NOTCH1: variants seen among roughly 807,000 people sequenced by gnomAD.
The protein encoded by NOTCH1 is notch receptor 1, also known as neurogenic locus notch homolog protein 1.
In NOTCH1, 37 loss-of-function variants were observed where a neutral mutation model predicts 254.8. The observed-to-expected ratio is 0.15, with a 90% CI of 0.11 to 0.19. The LOEUF is 0.19. NOTCH1 is among the 10% of genes least tolerant of loss of function. The pLI is 1.00. For missense variants in NOTCH1, 2,972 were observed against 3,708.6 expected, an observed-to-expected ratio of 0.80 and a Z score of 5.16; for synonymous variants, 1,731 against 1,618.1, an observed-to-expected ratio of 1.07 and a Z score of -1.68.
chr9:136,517,134 G>A (rs1276784430), intron 9 of NOTCH1, 138 bp downstream of exon 9: 1 of 594,370 alleles, frequency 1.7e-6, no homozygotes, highest in Non-Finnish European at 2.9e-6. Flanking sequence ...CCGAGGGCAG[G>A]GGGTGGGGGC....
At chr9:136,527,648 G>A (rs903562191) in intron 2 of NOTCH1, among the ~76,000 whole-genome samples, 5 of 152,164 alleles carry the variant, frequency 3.3e-5, no homozygotes, top group Non-Finnish European at 5.9e-5. Flanking sequence ...CCCAGCTCTC[G>A]GGCTCCCACG....
Position 136,507,431 on chromosome 9 carries a change from C to A in NOTCH1, c.3517G>T (p.Ala1173Ser), listed in dbSNP as rs753060918. Residue 1173 changes from alanine to serine, a missense_variant, in exon 22 of 34, where the codon GCC (alanine) becomes TCC (serine). By Grantham distance (99) the Ala-to-Ser change is moderately conservative (BLOSUM62 1). This residue lies in a region of NOTCH1 where 1,343 missense variants were observed against 1,557.0 expected (regional missense o/e 0.86). Transcript: ENST00000651671. The part of the protein sequence containing the change: ...YLGGYSCKCV[A>S]GYHGVNCSEE... ...GAGCAGTTCACCCCGTGGTAGCCGG[C>A]CACGCACTGTGCAGGCGACAGAACG... The A allele has an allele frequency of 3.1e-6, 5 of 1,605,954 alleles. No individual in the cohort carries two copies. Among genetic ancestry groups the A allele is most frequent in the Non-Finnish European group, 3.4e-6 (4 of 1,177,172 alleles).
At chr9:136,523,241 G>A (rs979027890) in intron 3 of NOTCH1, 53 bp from the exon 4 acceptor site, 75 of 1,524,384 alleles carry the variant, frequency 4.9e-5, no homozygotes, top group Non-Finnish European at 5.8e-5. Flanking sequence ...CCCCGAGGCC[G>A]GGCCTTCCCT....
At chr9:136,539,111 T>C (rs1843696010) in intron 2 of NOTCH1, among the ~76,000 whole-genome samples, 1 of 152,228 alleles carries the variant, frequency 6.6e-6, no homozygotes, top group South Asian at 2.1e-4. Flanking sequence ...AGCTCTGCCC[T>C]GTGGAAGCAC....
At chr9:136,541,671 T>C (rs546098850) in intron 2 of NOTCH1, among the ~76,000 whole-genome samples, 6 of 152,172 alleles carry the variant, frequency 3.9e-5, no homozygotes, top group East Asian at 3.9e-4. Flanking sequence ...GGGGTGTATG[T>C]TGGGTGGGGC....
chr9:136,509,332 G>A (rs1023351604), intron 18 of NOTCH1, among the ~76,000 whole-genome samples: 12 of 152,218 alleles, frequency 7.9e-5, no homozygotes, highest in African/African-American at 2.9e-4. Context: ...GCATAGGGTG[G>A]TTAAAGTAAA....
At chr9:136,509,444 G>A (rs537015635) in intron 18 of NOTCH1, among the ~76,000 whole-genome samples, 13 of 152,304 alleles carry the variant, frequency 8.5e-5, no homozygotes, top group African/African-American at 3.1e-4. Flanking sequence ...GGCAAACACG[G>A]CAAAAAGGAA....
chr9:136,498,881 T>A lies in NOTCH1; in HGVS notation c.6180+18A>T, dbSNP rs780165981. 6.2e-7 allele frequency: 1 copy of A among 1,613,036 alleles called. No homozygotes were observed. Among genetic ancestry groups the A allele is most frequent in the East Asian group, 2.2e-5 (1 of 44,884 alleles). On this transcript the variant is annotated intron_variant, in intron 33 of 33. Transcript: ENST00000651671. ...TTCAGCCCTCACGTCTCCCCTGGCA[T>A]CCCAGCCTCGCGCTCACCCTGTTGT...
intron 31 of NOTCH1, among the ~76,000 whole-genome samples, chr9:136,499,769 T>C (rs1482717295): frequency 6.6e-6 from 1 of 152,202 alleles, no homozygotes; most frequent in African/African-American, 2.4e-5. Context: ...CAACTTGGCC[T>C]GATTCCTGCA....
chr9:136,529,847 G>T (rs187319761), intron 2 of NOTCH1, among the ~76,000 whole-genome samples: 247 of 152,356 alleles, frequency 1.6e-3, no homozygotes, highest in African/African-American at 5.6e-3. Context: ...GCACCACCAG[G>T]CCTGTTCACC....
In NOTCH1 at chr9:136,497,364, G is replaced by A. The variant is rs369009290; in HGVS notation, c.6375C>T (p.His2125=). 1.5e-4 allele frequency: 237 copies of A among 1,607,066 alleles called. No homozygotes were observed. The South Asian group carries it at 1.6e-3, about 11-fold the overall frequency. ...EYNLVRSPQL[H]GAPLGGTPTL... ...TGGGCGTGCCCCCCAGCGGGGCTCC[G>A]TGCAGCTGCGGGCTGCGCACCAGGT... is the stretch of plus-strand genomic sequence containing the variant. The change falls in exon 34 of 34, where the codon CAC becomes CAT. Residue 2125 remains histidine (H), a synonymous_variant. Transcript: ENST00000651671.
chr9:136,525,590 C>T (rs1024152918), intron 2 of NOTCH1, among the ~76,000 whole-genome samples: 6 of 152,316 alleles, frequency 3.9e-5, no homozygotes, highest in African/African-American at 1.2e-4. Flanking sequence ...CACCTGGGTG[C>T]GGGGCTGCGG....
At chr9:136,541,627 G>C (rs1313973584) in intron 2 of NOTCH1, among the ~76,000 whole-genome samples, 1 of 152,218 alleles carries the variant, frequency 6.6e-6, no homozygotes, top group Non-Finnish European at 1.5e-5. Flanking sequence ...CTTCTGAGAA[G>C]GATGGGCAGG....
At chr9:136,511,695 G>A (rs1843184245) in intron 15 of NOTCH1, among the ~76,000 whole-genome samples, 1 of 152,216 alleles carries the variant, frequency 6.6e-6, no homozygotes, top group Non-Finnish European at 1.5e-5. Context: ...CCTGGCCTGA[G>A]ACCGAGGCCT....
chr9:136,514,400 C>T lies in NOTCH1; in HGVS notation c.2207+110G>A, dbSNP rs1843229261. The T allele has an allele frequency of 3.2e-5, 40 of 1,251,870 alleles. No homozygotes were observed. The South Asian group carries it at 3.5e-4, about 11-fold the overall frequency. The allele number at this position is 1,251,870 out of a possible 1,614,324, so 77.5% of individuals were successfully genotyped here. A position where few individuals can be genotyped will look rare whatever the true frequency, so the allele number is the denominator to read the frequency against. On this transcript the variant is annotated intron_variant, in intron 13 of 33. Coordinates refer to ENST00000651671, the MANE Select transcript of NOTCH1 (RefSeq NM_017617.5). ...GAGCTCCCTGCCACCCAGCCCCGTC[C>T]GAGGCCCGTTTCTGGCCCATCTCAA...
rs147260092 is a variant in NOTCH1 at position 136,515,968 on chromosome 9, C to T, written c.1669+13G>A. 880 of 1,599,122 alleles carry T rather than the reference C, an allele frequency of 5.5e-4. 2 individuals carry two copies. In the African/African-American group the frequency reaches 0.011, roughly 19 times the overall value. On this transcript the variant is annotated intron_variant, in intron 10 of 33. Transcript: ENST00000651671. ...TCCCCAGTCCCTCCCCGCTGGTGGG[C>T]GCCAGCCCGCACCTTCCGTGCACAC...
intron 2 of NOTCH1, among the ~76,000 whole-genome samples, chr9:136,527,933 G>T (rs867061283): frequency 2.3e-4 from 35 of 152,254 alleles, no homozygotes; most frequent in Middle Eastern, 6.8e-3. Flanking sequence ...TTTCCACTGT[G>T]CCACTCCCAC....
chr9:136,500,435 C>T (rs1306333188), intron 31 of NOTCH1, 117 bp downstream of exon 31: 1 of 1,306,532 alleles, frequency 7.7e-7, no homozygotes, highest in Non-Finnish European at 1.1e-6. Flanking sequence ...CACCAGTTGT[C>T]CCGGACTCAG....
intron 4 of NOTCH1, among the ~76,000 whole-genome samples, chr9:136,520,214 G>A (rs913794497): frequency 8.5e-5 from 13 of 152,078 alleles, no homozygotes; most frequent in Admixed American, 4.6e-4. Context: ...CCAGAAAGGC[G>A]CGTTCGGCAA....
Sources: allele counts gnomAD v4.1 joint callset (sites outside exome capture counted in the v4.1 genomes callset), GRCh38; gene constraint gnomAD v4.1.1; regional missense constraint gnomAD v4.1.1; transcripts MANE v1.5; gene names NCBI Gene and HGNC (gene_info 2026-07-23, HGNC 2026-07-21).